Variants in GLDN observed in about 807,000 individuals in gnomAD.
GLDN encodes collomin.
Under a neutral mutation model 56.5 loss-of-function variants are expected in GLDN, and 47 were observed. That is an observed-to-expected ratio of 0.83 (90% CI 0.66 to 1.06). The LOEUF (loss-of-function observed/expected upper bound fraction) is 1.06, where lower values mean the gene tolerates loss of function less well. GLDN is among the 50% of genes least tolerant of loss of function. The pLI is 0.00. For synonymous variants in GLDN, 332 were observed against 278.8 expected (o/e 1.19, Z -1.90); for missense variants, 782 against 714.3 (o/e 1.09, Z -1.08).
In GLDN at chr15:51,404,766, C is replaced by T. The variant is rs775233035; in HGVS notation, c.*12C>T. On this transcript the variant is annotated 3_prime_UTR_variant, in exon 10 of 10. Transcript: ENST00000335449. ...CCTTAAATCAGTGATGTGCTGCATT[C>T]GGCTCCCTTCAGCAAATTTCAGGGG... is the stretch of plus-strand genomic sequence containing the variant. 3.8e-5 allele frequency: 53 copies of T among 1,390,458 alleles called. No homozygotes were observed. Among genetic ancestry groups the T allele is most frequent in the South Asian group, 8.6e-5 (7 of 81,354 alleles). The allele number at this position is 1,390,458 out of a possible 1,614,324, so 86.1% of individuals were successfully genotyped here.
At position 51,407,694 on chromosome 15, in the gene GLDN, T is replaced by A. The variant is rs1205464106; in HGVS notation, c.*2940T>A. On this transcript the variant is annotated 3_prime_UTR_variant, in exon 10 of 10. Coordinates refer to ENST00000335449, the MANE Select transcript of GLDN (RefSeq NM_181789.4). ...GGGGTGGAAGTTTTAAGATGAGGAG[T>A]TCTGATCTTAGGCATCTTAACAGTC... 1 of 152,092 alleles carries A rather than the reference T, an allele frequency of 6.6e-6. No homozygotes were observed. The highest frequency in any genetic ancestry group is 2.4e-5 in the African/African-American group (1 of 41,396). 9.4% of individuals were successfully genotyped at this position (152,092 alleles called of 1,614,324 possible).
chr15:51,404,047 G>C (rs548473768), intron 9 of GLDN, among the ~76,000 whole-genome samples: 3 of 152,088 alleles, frequency 2.0e-5, no homozygotes, highest in African/African-American at 7.2e-5. Context: ...CCACACCACT[G>C]TCTCCCTGTT....
chr15:51,379,394 A>T (rs1397500399), intron 2 of GLDN, among the ~76,000 whole-genome samples: 1 of 152,152 alleles, frequency 6.6e-6, no homozygotes, highest in Non-Finnish European at 1.5e-5. Flanking sequence ...CATGTTACTG[A>T]ACTGCGTATT....
At chr15:51,375,395 ACACATAGAAG>A (rs1325986610) in intron 1 of GLDN, among the ~76,000 whole-genome samples, 3 of 152,246 alleles carry the variant, frequency 2.0e-5, no homozygotes, top group African/African-American at 7.2e-5. Flanking sequence ...CAAGAGACAA[ACACATAGAAG>A]CATTTCTGTG....
chr15:51,357,076 T>C (rs945947413), intron 1 of GLDN, among the ~76,000 whole-genome samples: 1 of 152,214 alleles, frequency 6.6e-6, no homozygotes, highest in African/African-American at 2.4e-5. Context: ...TTTTGGATAT[T>C]GGATTTAGGG....
chr15:51,377,522 G>A, intron 2 of GLDN, 22 bp downstream of exon 2: 1 of 1,608,450 alleles, frequency 6.2e-7, no homozygotes, highest in Non-Finnish European at 8.5e-7. Flanking sequence ...GCTGAGCAGA[G>A]CCGCTCACAC....
chr15:51,349,916 T>A (rs536111081), intron 1 of GLDN, among the ~76,000 whole-genome samples: 1 of 152,158 alleles, frequency 6.6e-6, no homozygotes, highest in African/African-American at 2.4e-5. Flanking sequence ...ATTTTTTGTG[T>A]GTGTTTTTAG....
At chr15:51,394,813 T>C in intron 4 of GLDN, 22 bp from the exon 5 acceptor site, 1 of 1,613,758 alleles carries the variant, frequency 6.2e-7, no homozygotes, top group Non-Finnish European at 8.5e-7. Context: ...TAGGCTAATA[T>C]GTCTTTTGTT....
chr15:51,399,441 C>T (rs2141129985), intron 6 of GLDN, among the ~76,000 whole-genome samples: 1 of 152,302 alleles, frequency 6.6e-6, no homozygotes, highest in East Asian at 1.9e-4. Flanking sequence ...CTCAGGTTTG[C>T]TTCTGCTGCC....
At chr15:51,412,055 G>A (rs2038470837), downstream of GLDN, among the ~76,000 whole-genome samples, 1 of 152,244 alleles carries the variant, frequency 6.6e-6, no homozygotes, top group African/African-American at 2.4e-5. Context: ...ATGTTATTGA[G>A]TGCTGACCAT....
At chr15:51,392,705 G>A (rs2038048500) in intron 4 of GLDN, among the ~76,000 whole-genome samples, 1 of 141,072 alleles carries the variant, frequency 7.1e-6, no homozygotes, top group Admixed American at 6.7e-5. Flanking sequence ...GGGCATTTGG[G>A]TGTGAACTGT....
At chr15:51,358,705 C>T (rs28687307) in intron 1 of GLDN, among the ~76,000 whole-genome samples, 8,931 of 152,154 alleles carry the variant, frequency 0.059, 916 homozygotes, top group African/African-American at 0.21. Flanking sequence ...AGATGGGAGA[C>T]GTCCCTCAAA....
At chr15:51,391,540 A>G (rs1200775795) in intron 4 of GLDN, among the ~76,000 whole-genome samples, 1 of 152,174 alleles carries the variant, frequency 6.6e-6, no homozygotes, top group Non-Finnish European at 1.5e-5. Context: ...TCTCCTTCAG[A>G]TAATGTGCCA....
intron 1 of GLDN, among the ~76,000 whole-genome samples, chr15:51,349,231 T>C (rs2037032273): frequency 6.6e-6 from 1 of 152,226 alleles, no homozygotes; most frequent in Non-Finnish European, 1.5e-5. Context: ...AGAAAAAAAA[T>C]CACATTACCT....
At chr15:51,377,656 T>C (rs2037663709) in intron 2 of GLDN, among the ~76,000 whole-genome samples, 156 bp downstream of exon 2, 1 of 152,234 alleles carries the variant, frequency 6.6e-6, no homozygotes, top group African/African-American at 2.4e-5. Context: ...CATTGTAATA[T>C]GATTATGAAA....
At chr15:51,345,626 C>A (rs1049345836) in intron 1 of GLDN, among the ~76,000 whole-genome samples, 6 of 152,308 alleles carry the variant, frequency 3.9e-5, no homozygotes, top group Admixed American at 3.9e-4. Flanking sequence ...AATTGTGTCT[C>A]ACCCCCAAAA....
At chr15:51,386,695 A>G (rs60421084) in intron 4 of GLDN, among the ~76,000 whole-genome samples, 6,655 of 152,300 alleles carry the variant, frequency 0.044, 482 homozygotes, top group African/African-American at 0.15. Flanking sequence ...GGCGGGGGAC[A>G]GCGGGCGGGG....
At chr15:51,380,392 A>G (rs1688513719) in intron 2 of GLDN, among the ~76,000 whole-genome samples, 1 of 152,216 alleles carries the variant, frequency 6.6e-6, no homozygotes, top group African/African-American at 2.4e-5. Flanking sequence ...AGGATGTGCT[A>G]TTCAAGAAAG....
At chr15:51,383,608 C>T (rs1441288024) in intron 3 of GLDN, among the ~76,000 whole-genome samples, 155 bp downstream of exon 3, 4 of 152,192 alleles carry the variant, frequency 2.6e-5, no homozygotes, top group Non-Finnish European at 5.9e-5. Context: ...GCTCTGCCAT[C>T]ACCATCCCCC....
Sources: gnomAD v4.1 joint callset for allele counts (sites outside exome capture counted in the v4.1 genomes callset) on GRCh38, gnomAD v4.1.1 for gene constraint, MANE v1.5 for transcripts, NCBI Gene and HGNC (gene_info 2026-07-23, HGNC 2026-07-21) for gene names.